UBXN2B: variants seen among roughly 807,000 people sequenced by gnomAD.
UBXN2B encodes UBX domain protein 2B.
UBXN2B carries 19 observed loss-of-function variants against 37.5 expected under a neutral mutation model. The ratio of observed to expected loss-of-function variants is 0.51; its 90% confidence interval spans 0.35 to 0.74. The LOEUF (loss-of-function observed/expected upper bound fraction) is 0.74. Among genes scored for constraint, UBXN2B ranks in the 30% least tolerant of loss-of-function variants. The probability of loss-of-function intolerance (pLI) is 0.01; values close to 1 mark genes in which losing one functional copy is unlikely to be tolerated. For missense variants in UBXN2B, 370 were observed against 393.2 expected, an observed-to-expected ratio of 0.94 and a Z score of 0.50; for synonymous variants, 145 against 143.8, an observed-to-expected ratio of 1.01 and a Z score of -0.06.
At chr8:58,434,195 G>T (rs1808354307) in intron 4 of UBXN2B, among the ~76,000 whole-genome samples, 200 bp from the exon 5 acceptor site, 1 of 152,076 alleles carries the variant, frequency 6.6e-6, no homozygotes, top group Non-Finnish European at 1.5e-5. Flanking sequence ...ATGCAAACTA[G>T]CTAAACAAAC....
intron 3 of UBXN2B, among the ~76,000 whole-genome samples, chr8:58,431,421 A>T (rs1374839589): frequency 6.6e-6 from 1 of 152,168 alleles, no homozygotes; most frequent in South Asian, 2.1e-4. Flanking sequence ...TTCCTTTTTA[A>T]TTCCCGAGTA....
chr8:58,425,164 A>T, intron 2 of UBXN2B: 1 of 879,378 alleles, frequency 1.1e-6, no homozygotes, highest in South Asian at 1.3e-5. Flanking sequence ...AACCTTTGAA[A>T]GTTTAAGTTC....
intron 2 of UBXN2B, chr8:58,426,832 C>T (rs111694535): frequency 3.5e-6 from 2 of 571,558 alleles, no homozygotes; most frequent in South Asian, 3.1e-5. Context: ...CCCCTCCAGG[C>T]CTGGGGATCC....
At chr8:58,420,001 C>T (rs191845387) in intron 2 of UBXN2B, among the ~76,000 whole-genome samples, 102 of 152,198 alleles carry the variant, frequency 6.7e-4, no homozygotes, top group Non-Finnish European at 2.4e-4. Context: ...ATTATGTAGC[C>T]AGTTGCGGAT....
At chr8:58,435,067 G>T in intron 5 of UBXN2B, 1 of 1,438,890 alleles carries the variant, frequency 6.9e-7, no homozygotes, top group Non-Finnish European at 9.1e-7. Context: ...AAGTGATTTT[G>T]CTATGATAAT....
At chr8:58,432,599 G>T (rs563313647) in intron 3 of UBXN2B, among the ~76,000 whole-genome samples, 140 of 152,072 alleles carry the variant, frequency 9.2e-4, no homozygotes, top group African/African-American at 3.2e-3. Flanking sequence ...AGCCAGGGTG[G>T]TCTCGATCTC....
chr8:58,429,435 C>G (rs554961330), intron 2 of UBXN2B, among the ~76,000 whole-genome samples: 2 of 152,306 alleles, frequency 1.3e-5, no homozygotes, highest in African/African-American at 4.8e-5. Context: ...GGCTCCTGCT[C>G]TAGATAAATT....
chr8:58,412,099 C>T (rs1403608878), intron 1 of UBXN2B, among the ~76,000 whole-genome samples: 1 of 152,138 alleles, frequency 6.6e-6, no homozygotes, highest in Non-Finnish European at 1.5e-5. Flanking sequence ...CACCAAATCC[C>T]GTTTTATCAG....
At chr8:58,430,812 C>G (rs1563462177) in intron 3 of UBXN2B, 143 bp downstream of exon 3, 1 of 685,694 alleles carries the variant, frequency 1.5e-6, no homozygotes, top group East Asian at 3.7e-5. Flanking sequence ...TATAATATTT[C>G]TATTAATGAT....
chr8:58,445,973 A>G lies in UBXN2B; in HGVS notation c.738A>G (p.Ala246=). 2 of 1,613,420 alleles carry G rather than the reference A, an allele frequency of 1.2e-6. No homozygotes were observed. Among genetic ancestry groups the G allele is most frequent in the Non-Finnish European group, 1.7e-6 (2 of 1,179,742 alleles). Residue 246 remains alanine, a synonymous_variant, in exon 7 of 8, where the codon GCA becomes GCG. Transcript: ENST00000399598. The part of the protein sequence containing the change: ...PEEEDKSILN[A]VVLIDDSVPT... ...AGGAGGATAAATCAATACTTAATGC[A>G]GTTGTTCTTATTGATGATTCAGTGC... is the stretch of plus-strand genomic sequence containing the variant.
Position 58,446,020 on chromosome 8 carries a change from G to T in UBXN2B, c.785G>T (p.Arg262Met). ...DSVPTTKIQI[R>M]LADGSRLIQR... ...GTGCCAACAACAAAAATTCAAATCA[G>T]GTTAGCAGATGGGAGTCGTTTGATA... The change falls in exon 7 of 8, where the codon AGG becomes ATG. Residue 262 changes from arginine (R) to methionine (M), a missense_variant. Transcript: ENST00000399598. 6.2e-7 allele frequency: 1 copy of T among 1,613,046 alleles called. No individual in the cohort carries two copies. Among genetic ancestry groups the T allele is most frequent in the Non-Finnish European group, 8.5e-7 (1 of 1,179,704 alleles).
At chr8:58,440,266 T>A (rs1264245765) in intron 6 of UBXN2B, among the ~76,000 whole-genome samples, 2 of 152,236 alleles carry the variant, frequency 1.3e-5, no homozygotes, top group African/African-American at 4.8e-5. Flanking sequence ...GATAAAATAA[T>A]GGATACCTTA....
intron 2 of UBXN2B, chr8:58,426,740 G>A (rs189030690): frequency 4.6e-6 from 3 of 659,214 alleles, no homozygotes; most frequent in African/African-American, 3.5e-5. Flanking sequence ...AGGCTCCACT[G>A]GGCTCGGTCA....
At position 58,451,117 on chromosome 8, in the gene UBXN2B, A is replaced by G. The variant is rs935276188; in HGVS notation, c.*3566A>G. The G allele has an allele frequency of 6.6e-6, 1 of 152,658 alleles. No homozygotes were observed. Among genetic ancestry groups the G allele is most frequent in the Non-Finnish European group, 1.5e-5 (1 of 68,038 alleles). The allele number at this position is 152,658 out of a possible 1,614,324, so 9.5% of individuals were successfully genotyped here. A position where few individuals can be genotyped will look rare whatever the true frequency, so the allele number is the denominator to read the frequency against. On this transcript the variant is annotated 3_prime_UTR_variant, in exon 8 of 8. Transcript: ENST00000399598. ...GGGCATTGTCCTGTTTTGGATTAACAAAACAGGAAAAATAACCAATCCTTG... is the reference window on the plus strand; with the variant it reads ...GGGCATTGTCCTGTTTTGGATTAACGAAACAGGAAAAATAACCAATCCTTG...
intron 5 of UBXN2B, among the ~76,000 whole-genome samples, chr8:58,436,205 G>A (rs374693736): frequency 4.6e-5 from 7 of 152,260 alleles, no homozygotes; most frequent in African/African-American, 1.7e-4. Context: ...AAGTAGCATT[G>A]CATTCAAGGA....
At chr8:58,430,226 G>T (rs17261550) in intron 2 of UBXN2B, among the ~76,000 whole-genome samples, 24,682 of 152,198 alleles carry the variant, frequency 0.16, 2,228 homozygotes, top group African/African-American at 0.24. Flanking sequence ...TGAATGAGAT[G>T]TATGTGATAA....
chr8:58,434,844 C>T, intron 5 of UBXN2B: 1 of 1,535,536 alleles, frequency 6.5e-7, no homozygotes. Flanking sequence ...CACTGTCCTG[C>T]TTACTGTTGA....
chr8:58,413,404 T>C (rs937030934), intron 1 of UBXN2B: 2 of 152,204 alleles, frequency 1.3e-5, no homozygotes, highest in African/African-American at 4.8e-5. Context: ...AATTAAATAA[T>C]GTTCTTCCCA....
At chr8:58,434,746 G>GATGAAACTA in intron 5 of UBXN2B, 1 of 1,476,466 alleles carries the variant, frequency 6.8e-7, no homozygotes, top group South Asian at 1.3e-5. Context: ...TTTAAAATCT[G>GATGAAACTA]ATGAAACTAT....
Sources: gnomAD v4.1 joint callset for allele counts (sites outside exome capture counted in the v4.1 genomes callset) on GRCh38, gnomAD v4.1.1 for gene constraint, MANE v1.5 for transcripts, NCBI Gene and HGNC (gene_info 2026-07-23, HGNC 2026-07-21) for gene names.